Variants in GHR observed in about 807,000 individuals in gnomAD.
GHR encodes the protein growth hormone receptor, also known as GH receptor.
A neutral mutation model predicts 67.1 loss-of-function variants in GHR; 35 were observed. The observed-to-expected ratio is 0.52, with a 90% CI of 0.40 to 0.69. The LOEUF (loss-of-function observed/expected upper bound fraction) is 0.69, where lower values mean the gene tolerates loss of function less well. GHR is among the 30% of genes least tolerant of loss of function. The pLI is 0.00. For synonymous variants in GHR, 272 were observed against 269.1 expected, an observed-to-expected ratio of 1.01 and a Z score of -0.10; for missense variants, 792 against 764.6, an observed-to-expected ratio of 1.04 and a Z score of -0.42.
intron 5 of GHR, among the ~76,000 whole-genome samples, chr5:42,696,642 C>G: frequency 6.6e-6 from 1 of 152,246 alleles, no homozygotes; most frequent in East Asian, 1.9e-4. Context: ...CCCTCCTAGT[C>G]AGCTGGAGAA....
At chr5:42,573,068 T>C (rs1292551789) in intron 2 of GHR, among the ~76,000 whole-genome samples, 1 of 152,232 alleles carries the variant, frequency 6.6e-6, no homozygotes, top group Non-Finnish European at 1.5e-5. Context: ...TTAAAACTTA[T>C]TAGACGTTAA....
chr5:42,549,434 T>A (rs971981720), intron 1 of GHR: 1 of 152,284 alleles, frequency 6.6e-6, no homozygotes, highest in African/African-American at 2.4e-5. Context: ...TTCCTTATAG[T>A]GCTGTAATAA....
intron 3 of GHR, among the ~76,000 whole-genome samples, chr5:42,646,685 A>T (rs750306295): frequency 1.3e-5 from 2 of 152,172 alleles, no homozygotes; most frequent in Non-Finnish European, 2.9e-5. Flanking sequence ...CAGAGCCTAG[A>T]TAGAAAATAT....
At chr5:42,547,487 A>G (rs998778207) in intron 1 of GHR, among the ~76,000 whole-genome samples, 14 of 151,242 alleles carry the variant, frequency 9.3e-5, no homozygotes, top group African/African-American at 3.4e-4. Flanking sequence ...TTTTTTTTTT[A>G]TGTCACCCGA....
intron 3 of GHR, among the ~76,000 whole-genome samples, chr5:42,681,973 C>T (rs527255897): frequency 6.8e-5 from 10 of 147,790 alleles, no homozygotes; most frequent in Admixed American, 2.0e-4. Flanking sequence ...TGCACACGTA[C>T]GTTTACTGCA....
chr5:42,694,819 T>C (rs1757591038), intron 4 of GHR, 98 bp from the exon 5 acceptor site: 2 of 904,240 alleles, frequency 2.2e-6, no homozygotes. Flanking sequence ...AATATTTGTC[T>C]TCCAATTTAT....
chr5:42,669,492 T>C (rs889519555), intron 3 of GHR, among the ~76,000 whole-genome samples: 4 of 152,218 alleles, frequency 2.6e-5, no homozygotes, highest in Non-Finnish European at 5.9e-5. Context: ...AATTTAATGT[T>C]GGCAAAGCAT....
At chr5:42,716,337 C>T (rs1181714526) in intron 8 of GHR, among the ~76,000 whole-genome samples, 1 of 152,176 alleles carries the variant, frequency 6.6e-6, no homozygotes, top group African/African-American at 2.4e-5. Context: ...TCATCTGCCT[C>T]CCTGGGAGTC....
chr5:42,640,128 A>G (rs1754392834), intron 3 of GHR, among the ~76,000 whole-genome samples: 1 of 152,164 alleles, frequency 6.6e-6, no homozygotes, highest in Non-Finnish European at 1.5e-5. Flanking sequence ...GGAAAAGCAA[A>G]CAAGAAGGTC....
intron 1 of GHR, among the ~76,000 whole-genome samples, chr5:42,481,158 G>T (rs1390916140): frequency 6.6e-6 from 1 of 151,970 alleles, no homozygotes; most frequent in Non-Finnish European, 1.5e-5. Context: ...GCTTAGTTTG[G>T]CTGGATATGA....
chr5:42,431,592 A>T (rs2111896010), intron 1 of GHR, among the ~76,000 whole-genome samples: 1 of 152,334 alleles, frequency 6.6e-6, no homozygotes, highest in East Asian at 1.9e-4. Flanking sequence ...CTTCTTCTAC[A>T]GAGTCTTTCA....
chr5:42,530,132 T>C (rs1747901355), intron 1 of GHR, among the ~76,000 whole-genome samples: 1 of 152,050 alleles, frequency 6.6e-6, no homozygotes, highest in Admixed American at 6.6e-5. Flanking sequence ...GTGTACATTT[T>C]ATAATGATCA....
In GHR at chr5:42,452,186, T is replaced by C. The variant is rs186394990; in HGVS notation, c.-12+28231T>C. ...CTTAGTTTTGCTGGATGCAAAATTT[T>C]TGACTGACAATTATTTTGTTTAAGG... On this transcript the variant is annotated intron_variant, in intron 1 of 9. Coordinates refer to ENST00000230882, the MANE Select transcript of GHR (RefSeq NM_000163.5). 3.6e-4 allele frequency among the ~76,000 whole-genome samples: 55 copies of C among 152,346 alleles called. 1 individual carries two copies. The highest frequency in any genetic ancestry group is 1.2e-3 in the African/African-American group (51 of 41,576).
chr5:42,682,166 A>G (rs1014201996), intron 3 of GHR, among the ~76,000 whole-genome samples: 3 of 152,190 alleles, frequency 2.0e-5, no homozygotes, highest in Non-Finnish European at 4.4e-5. Flanking sequence ...AACGATCACA[A>G]GAGCAGAAAA....
intron 1 of GHR, among the ~76,000 whole-genome samples, chr5:42,470,432 G>A (rs575640955): frequency 2.0e-5 from 3 of 152,072 alleles, no homozygotes; most frequent in East Asian, 3.9e-4. Flanking sequence ...CCAAAGGTGA[G>A]AATCCGAATT....
chr5:42,517,784 C>CT (rs201050019), intron 1 of GHR, among the ~76,000 whole-genome samples: 3,022 of 142,806 alleles, frequency 0.021, 153 homozygotes, highest in East Asian at 0.13. Context: ...TCATAGTGGA[C>CT]TTTTTTTTTT....
At chr5:42,538,257 T>A (rs577262593) in intron 1 of GHR, among the ~76,000 whole-genome samples, 64 of 152,282 alleles carry the variant, frequency 4.2e-4, no homozygotes, top group African/African-American at 1.5e-3. Context: ...TTAACTTGTA[T>A]TTTTGTTTAT....
At chr5:42,671,723 G>A (rs1414785243) in intron 3 of GHR, among the ~76,000 whole-genome samples, 1 of 151,130 alleles carries the variant, frequency 6.6e-6, no homozygotes, top group Non-Finnish European at 1.5e-5. Flanking sequence ...TTGGGAGGCC[G>A]AGGTGGGCGG....
At position 42,466,835 on chromosome 5, in the gene GHR, TG is replaced by T. The variant is rs1450068665; in HGVS notation, c.-12+42883del. On this transcript the variant is annotated intron_variant, in intron 1 of 9. Coordinates refer to ENST00000230882, the MANE Select transcript of GHR (RefSeq NM_000163.5). ...GAAAACAGCAAAGAGGTGTCTCATT[TG>T]GGAGGCAGAAGGTTATGACCAATGC... 12 of 1,267,636 alleles carry T rather than the reference TG, an allele frequency of 9.5e-6. No homozygotes were observed. In the East Asian group the frequency reaches 2.9e-4, roughly 31 times the overall value. The allele number at this position is 1,267,636 out of a possible 1,614,324, so 78.5% of individuals were successfully genotyped here.
Sources: gnomAD v4.1 joint callset for allele counts (sites outside exome capture counted in the v4.1 genomes callset) on GRCh38, gnomAD v4.1.1 for gene constraint, MANE v1.5 for transcripts, NCBI Gene and HGNC (gene_info 2026-07-23, HGNC 2026-07-21) for gene names.